SNW1: variants seen among roughly 807,000 people sequenced by gnomAD.
SNW1 encodes SNW domain-containing protein 1.
In SNW1, 9 loss-of-function variants were observed where a neutral mutation model predicts 75.6. That is an observed-to-expected ratio of 0.12 (90% CI 0.07 to 0.21). The LOEUF is 0.21. SNW1 is among the 10% of genes least tolerant of loss of function. The pLI is 1.00. For synonymous variants in SNW1, 200 were observed against 219.1 expected (o/e 0.91, Z 0.77); for missense variants, 409 against 670.9 (o/e 0.61, Z 4.31).
rs1242783821 is a variant in SNW1, at chr14:77,718,435, A to G, written c.1344T>C (p.Tyr448=). The change falls in exon 13 of 14, where the codon TAT becomes TAC. Residue 448 remains tyrosine (Y), a synonymous_variant. Coordinates refer to ENST00000261531, the MANE Select transcript of SNW1 (RefSeq NM_012245.3). ...RGGKDMAQSI[Y]RPSKNLDKDM... ...CCTTGTCCAGATTTTTACTGGGCCT[A>G]TAAATACTCTGGGCCATATCTTTAC... is the stretch of plus-strand genomic sequence containing the variant. 3.1e-5 allele frequency: 50 copies of G among 1,613,886 alleles called. No individual in the cohort carries two copies. The highest frequency in any genetic ancestry group is 4.2e-5 in the Non-Finnish European group (49 of 1,179,886).
chr14:77,724,541 A>C (rs1029297091), intron 10 of SNW1, among the ~76,000 whole-genome samples: 2 of 152,126 alleles, frequency 1.3e-5, no homozygotes, highest in Non-Finnish European at 2.9e-5. Context: ...ACTGGTAACC[A>C]CCATTCTACT....
chr14:77,721,873 G>T (rs983278457), intron 11 of SNW1, among the ~76,000 whole-genome samples: 1 of 152,064 alleles, frequency 6.6e-6, no homozygotes, highest in African/African-American at 2.4e-5. Context: ...TCGGCCTCTC[G>T]AGTAGCTGGG....
chr14:77,739,765 C>T (rs2080702200), intron 3 of SNW1, among the ~76,000 whole-genome samples: 1 of 152,040 alleles, frequency 6.6e-6, no homozygotes. Context: ...AAATAGAATA[C>T]TGGTTACTTT....
chr14:77,731,249 G>T, intron 9 of SNW1, 120 bp from the exon 10 acceptor site: 1 of 1,092,556 alleles, frequency 9.2e-7, no homozygotes, highest in Non-Finnish European at 1.3e-6. Flanking sequence ...ATTTGTTATT[G>T]CTAATTAAAA....
At chr14:77,731,425 A>C (rs1175884521) in intron 9 of SNW1, among the ~76,000 whole-genome samples, 1 of 152,224 alleles carries the variant, frequency 6.6e-6, no homozygotes, top group Non-Finnish European at 1.5e-5. Flanking sequence ...AACAAAATTA[A>C]AGCCAGGCAT....
chr14:77,722,551 A>G (rs1455514234), intron 11 of SNW1: 1 of 437,018 alleles, frequency 2.3e-6, no homozygotes. Context: ...TAGAAAAAGA[A>G]CGGACTATAA....
intron 5 of SNW1, 25 bp downstream of exon 5, chr14:77,738,753 T>TA (rs1437201072): frequency 6.4e-7 from 1 of 1,560,026 alleles, no homozygotes; most frequent in Non-Finnish European, 8.8e-7. Context: ...AGAATGAAAC[T>TA]AAGTCTTCTA....
Position 77,751,381 on chromosome 14 carries a change from C to T in SNW1, c.268G>A (p.Val90Met), listed in dbSNP as rs1238817539. 6.2e-6 allele frequency: 10 copies of T among 1,613,882 alleles called. No homozygotes were observed. The highest frequency in any genetic ancestry group is 1.1e-5 in the South Asian group (1 of 90,994). Residue 90 changes from valine to methionine, a missense_variant, in exon 3 of 14, where the codon GTG becomes ATG. By Grantham distance (21) the Val-to-Met change is conservative (BLOSUM62 1). Around this residue, in one of 9 missense-constraint regions of SNW1, gnomAD observed 60 missense variants for 62.6 expected, o/e 0.96. Transcript: ENST00000261531. ...TATTTAATTTTTCCTTCAGAATCCA[C>T]CTGAATGGCCAGCGCATTCGACATT... is the stretch of plus-strand genomic sequence containing the variant. ...KKMSNALAIQ[V>M]DSEGKIKYDA...
chr14:77,719,065 C>T (rs1029309224), intron 12 of SNW1, among the ~76,000 whole-genome samples: 1 of 152,100 alleles, frequency 6.6e-6, no homozygotes, highest in Non-Finnish European at 1.5e-5. Context: ...AGGTGTGTGC[C>T]ACCATGTCCA....
intron 9 of SNW1, among the ~76,000 whole-genome samples, chr14:77,731,804 T>G (rs952443587): frequency 6.6e-6 from 1 of 152,198 alleles, no homozygotes; most frequent in Non-Finnish European, 1.5e-5. Flanking sequence ...AGTGGTGCGT[T>G]CTTGGCTCAC....
intron 1 of SNW1, among the ~76,000 whole-genome samples, chr14:77,760,474 A>G (rs2080878958): frequency 6.6e-6 from 1 of 152,208 alleles, no homozygotes; most frequent in East Asian, 1.9e-4. Context: ...TTAAAGGCGG[A>G]GAGCACTTTA....
At chr14:77,724,123 G>C (rs2080565364) in intron 10 of SNW1, among the ~76,000 whole-genome samples, 1 of 152,082 alleles carries the variant, frequency 6.6e-6, no homozygotes, top group African/African-American at 2.4e-5. Flanking sequence ...CAGTAAATCG[G>C]ACAGACAGAT....
In SNW1 at chr14:77,751,440, G is replaced by A. The variant is rs1217124504; in HGVS notation, c.209C>T (p.Ala70Val). Reference protein sequence around the residue: ...DGGAFPEIHVAQYPLDMGRKK... With the variant: ...DGGAFPEIHVVQYPLDMGRKK... ...TCGTCCCATATCCAGTGGATACTGG[G>A]CCACATGGATCTCTGGAAAAGCACC... Residue 70 changes from alanine to valine, a missense_variant, in exon 3 of 14, where the codon GCC becomes GTC. Around this residue, in one of 9 missense-constraint regions of SNW1, gnomAD observed 10 missense variants for 29.4 expected, o/e 0.34. Coordinates refer to ENST00000261531, the MANE Select transcript of SNW1 (RefSeq NM_012245.3). The A allele has an allele frequency of 1.2e-6, 2 of 1,612,398 alleles. No homozygotes were observed. Among genetic ancestry groups the A allele is most frequent in the Non-Finnish European group, 1.7e-6 (2 of 1,179,324 alleles).
chr14:77,748,971 T>C lies in SNW1; in HGVS notation c.330+2348A>G, dbSNP rs532833991. Among the ~76,000 whole-genome samples, 72 of 152,210 alleles carry C rather than the reference T, an allele frequency of 4.7e-4. 2 individuals are homozygous for C. In the South Asian group the frequency reaches 0.014, roughly 30 times the overall value. On this transcript the variant is annotated intron_variant, in intron 3 of 13. Transcript: ENST00000261531. ...CTTTCAGCATAAACAATTAGGAAAA[T>C]ATCACTACCACTTACTGAGTTACAG...
chr14:77,753,151 TTAGC>T (rs1344918286), intron 2 of SNW1, among the ~76,000 whole-genome samples: 5 of 152,212 alleles, frequency 3.3e-5, no homozygotes, highest in Admixed American at 2.0e-4. Context: ...CATTTCCAGA[TTAGC>T]TAGCCATTTC....
At chr14:77,760,935 A>T in intron 1 of SNW1, 179 bp downstream of exon 1, 1 of 1,411,314 alleles carries the variant, frequency 7.1e-7, no homozygotes. Flanking sequence ...CCGCTGAAAG[A>T]CCCCAGCTTC....
chr14:77,741,731 TAAC>T lies in SNW1; in HGVS notation c.331-2673_331-2671del, dbSNP rs1455981011. On this transcript the variant is annotated intron_variant, in intron 3 of 13. Transcript: ENST00000261531. ...ATACAACCCTAAGCTGAAAATTATA[TAAC>T]AACACAAGAAAAAAATACCAATTCT... Among the ~76,000 whole-genome samples the T allele has an allele frequency of 7.9e-5, 12 of 151,582 alleles. 1 individual carries two copies. The highest frequency in any genetic ancestry group is 1.6e-4 in the Non-Finnish European group (11 of 67,796).
chr14:77,750,554 G>C (rs937532859), intron 3 of SNW1, among the ~76,000 whole-genome samples: 2 of 152,106 alleles, frequency 1.3e-5, no homozygotes, highest in African/African-American at 4.8e-5. Context: ...AATTGAAAAA[G>C]TTTGGCGGGG....
chr14:77,734,372 A>G (rs1473567928), intron 8 of SNW1, among the ~76,000 whole-genome samples: 1 of 152,126 alleles, frequency 6.6e-6, no homozygotes, highest in East Asian at 1.9e-4. Flanking sequence ...TCTAAATACC[A>G]TCTTGTATTT....
Sources: gnomAD v4.1 joint callset for allele counts (sites outside exome capture counted in the v4.1 genomes callset) on GRCh38, gnomAD v4.1.1 for gene constraint, gnomAD v4.1.1 regional missense constraint, MANE v1.5 for transcripts, NCBI Gene and HGNC (gene_info 2026-07-23, HGNC 2026-07-21) for gene names.